MED12L: variants seen among roughly 807,000 people sequenced by gnomAD.
The protein encoded by MED12L is mediator complex subunit 12L.
A neutral mutation model predicts 281.3 loss-of-function variants in MED12L; 60 were observed. The ratio of observed to expected loss-of-function variants is 0.21; its 90% CI spans 0.17 to 0.26. The LOEUF (loss-of-function observed/expected upper bound fraction) is 0.26. Ranked by LOEUF, MED12L falls within the 10% of genes least tolerant of loss-of-function variation. The probability of loss-of-function intolerance (pLI) is 1.00; values close to 1 mark genes in which losing one functional copy is unlikely to be tolerated. For synonymous variants in MED12L, 974 were observed against 987.2 expected (o/e 0.99, Z 0.25); for missense variants, 2,146 against 2,680.9 (o/e 0.80, Z 4.41).
chr3:151,364,708 A>G (rs967156380), intron 21 of MED12L, among the ~76,000 whole-genome samples: 7 of 152,226 alleles, frequency 4.6e-5, no homozygotes, highest in African/African-American at 1.7e-4. Context: ...AATGTAGACC[A>G]TATTTAGGAA....
chr3:151,139,838 C>A (rs2148857273), intron 5 of MED12L, among the ~76,000 whole-genome samples: 1 of 152,262 alleles, frequency 6.6e-6, no homozygotes, highest in Middle Eastern at 3.4e-3. Context: ...GGACAATAGG[C>A]TGTTGTGTTC....
chr3:151,271,264 G>C (rs1288907814), intron 16 of MED12L, among the ~76,000 whole-genome samples: 1 of 152,136 alleles, frequency 6.6e-6, no homozygotes, highest in Non-Finnish European at 1.5e-5. Flanking sequence ...CACATGAAAA[G>C]ATTCTCAGCC....
intron 16 of MED12L, among the ~76,000 whole-genome samples, chr3:151,230,033 G>T (rs954657525): frequency 6.6e-6 from 1 of 152,000 alleles, no homozygotes; most frequent in Non-Finnish European, 1.5e-5. Context: ...GCAGTGGTGC[G>T]ATCTCAGCTC....
At chr3:151,424,157 G>GCTA (rs1718587729) in intron 43 of MED12L, among the ~76,000 whole-genome samples, 1 of 152,166 alleles carries the variant, frequency 6.6e-6, no homozygotes. Flanking sequence ...AGAACATTGA[G>GCTA]CTACGTTGCC....
At chr3:151,152,518 T>C (rs755477459) in intron 5 of MED12L, among the ~76,000 whole-genome samples, 100 of 152,294 alleles carry the variant, frequency 6.6e-4, no homozygotes, top group Admixed American at 2.0e-3. Context: ...AGGCAGGGTC[T>C]GACATTGGTG....
At chr3:151,224,461 G>A (rs74529203) in intron 16 of MED12L, among the ~76,000 whole-genome samples, 3,350 of 148,848 alleles carry the variant, frequency 0.023, 119 homozygotes, top group African/African-American at 0.078. Context: ...TTTTTTTTTG[G>A]TGTCAATGTG....
Position 151,188,356 on chromosome 3 carries a change from A to T in MED12L, c.1629A>T (p.Arg543Ser), listed in dbSNP as rs765137556. 1.9e-6 allele frequency: 3 copies of T among 1,597,502 alleles called. No individual in the cohort carries two copies. The South Asian group carries it at 3.3e-5, about 18-fold the overall frequency. The change falls in exon 13 of 45, where the codon AGA becomes AGT. Residue 543 changes from arginine to serine, a missense_variant and splice_region_variant. Arg to Ser is a moderately radical substitution (Grantham distance 110). Transcript: ENST00000687756. ...TGTTATTTATTTTTAATCTGTAGAG[A>T]TGTGGTGAATCAGAAGTCTTAGATG... ...EKRQAEIEAE[R>S]CGESEVLDEK...
At chr3:151,141,512 C>T (rs1466385711) in intron 5 of MED12L, among the ~76,000 whole-genome samples, 4 of 152,124 alleles carry the variant, frequency 2.6e-5, no homozygotes, top group Non-Finnish European at 5.9e-5. Flanking sequence ...TTACAAGATA[C>T]ACACCTAAAA....
chr3:151,358,639 A>C (rs1471699861), intron 20 of MED12L, among the ~76,000 whole-genome samples: 1 of 152,074 alleles, frequency 6.6e-6, no homozygotes, highest in Non-Finnish European at 1.5e-5. Flanking sequence ...GGCCTTGAAA[A>C]TTTTTATCCT....
chr3:151,256,656 T>G (rs942149888), intron 16 of MED12L, among the ~76,000 whole-genome samples: 2 of 152,204 alleles, frequency 1.3e-5, no homozygotes, highest in Non-Finnish European at 2.9e-5. Context: ...CTTATTACAC[T>G]AAAGATGAGT....
At chr3:151,242,206 C>G (rs974956030) in intron 16 of MED12L, among the ~76,000 whole-genome samples, 1 of 152,206 alleles carries the variant, frequency 6.6e-6, no homozygotes, top group Non-Finnish European at 1.5e-5. Flanking sequence ...GAGGGGCGCC[C>G]GCCATTGCCC....
chr3:151,212,943 G>A (rs1312279008), intron 16 of MED12L: 2 of 154,738 alleles, frequency 1.3e-5, no homozygotes, highest in Admixed American at 6.5e-5. Flanking sequence ...AGATGCCTGA[G>A]TGAGTTGTCT....
intron 16 of MED12L, among the ~76,000 whole-genome samples, chr3:151,342,753 T>C (rs1255307714): frequency 1.3e-5 from 2 of 152,248 alleles, no homozygotes; most frequent in African/African-American, 2.4e-5. Flanking sequence ...TTTTTAAATA[T>C]GACTATTGTA....
At chr3:151,368,910 C>T (rs1239294374) in intron 25 of MED12L, among the ~76,000 whole-genome samples, 1 of 151,538 alleles carries the variant, frequency 6.6e-6, no homozygotes, top group East Asian at 1.9e-4. Flanking sequence ...TATAGGCATG[C>T]ACCACCATGC....
At chr3:151,335,505 C>T (rs1750861857) in intron 16 of MED12L, among the ~76,000 whole-genome samples, 1 of 152,124 alleles carries the variant, frequency 6.6e-6, no homozygotes, top group African/African-American at 2.4e-5. Flanking sequence ...TAACCAATAC[C>T]TTTAGGACTT....
rs772757024 is a variant in MED12L, at chr3:151,127,831, A to G, written c.403A>G (p.Ile135Val). Residue 135 changes from isoleucine (I) to valine (V), a missense_variant, in exon 5 of 45, where the codon ATC (isoleucine) becomes GTC (valine). Ile to Val is a conservative substitution (Grantham distance 29). Transcript: ENST00000687756. Reference sequence around the variant, plus strand: ...CTATGTTGTTTCTTTTTAGGTTCCTATCCTTAGTAAAAAAGAGGATGTTTT... The same window carrying G: ...CTATGTTGTTTCTTTTTAGGTTCCTGTCCTTAGTAAAAAAGAGGATGTTTT... Reference protein sequence around the residue: ...PLSILAKKVPILSKKEDVFAY... With the variant: ...PLSILAKKVPVLSKKEDVFAY... 5 of 1,604,096 alleles carry G rather than the reference A, an allele frequency of 3.1e-6. No individual in the cohort carries two copies. The East Asian group carries it at 6.7e-5, about 21-fold the overall frequency.
intron 11 of MED12L, among the ~76,000 whole-genome samples, chr3:151,166,276 T>A (rs1560112257): frequency 6.6e-6 from 1 of 152,176 alleles, no homozygotes; most frequent in Non-Finnish European, 1.5e-5. Flanking sequence ...CATTTAGTGA[T>A]TGGACTTAAT....
At chr3:151,126,938 A>AG (rs1389846734) in intron 4 of MED12L, among the ~76,000 whole-genome samples, 1 of 152,152 alleles carries the variant, frequency 6.6e-6, no homozygotes, top group Non-Finnish European at 1.5e-5. Flanking sequence ...TGGAGTACAG[A>AG]GGGGGTCATG....
chr3:151,119,929 T>G (rs1252451325), intron 3 of MED12L, among the ~76,000 whole-genome samples: 2 of 151,924 alleles, frequency 1.3e-5, no homozygotes, highest in African/African-American at 4.8e-5. Flanking sequence ...AAATTTAACC[T>G]TATTTCTGGC....
Sources: gnomAD v4.1 joint callset for allele counts (sites outside exome capture counted in the v4.1 genomes callset) on GRCh38, gnomAD v4.1.1 for gene constraint, MANE v1.5 for transcripts, NCBI Gene and HGNC (gene_info 2026-07-23, HGNC 2026-07-21) for gene names.